TBC1D4: variants seen among roughly 807,000 people sequenced by gnomAD.
TBC1D4 encodes the protein TBC (Tre-2, BUB2, CDC16) domain-containing protein.
In TBC1D4, 121 loss-of-function variants were observed where a neutral mutation model predicts 142.5. The observed-to-expected ratio is 0.85, with a 90% confidence interval of 0.73 to 0.99. TBC1D4 has a LOEUF of 0.99. TBC1D4 is among the 50% of genes least tolerant of loss of function. The pLI is 0.00. For synonymous variants in TBC1D4, 630 were observed against 628.2 expected (o/e 1.00, Z -0.04); for missense variants, 1,475 against 1,606.6 (o/e 0.92, Z 1.40).
intron 1 of TBC1D4, among the ~76,000 whole-genome samples, chr13:75,417,041 C>T (rs1320311542): frequency 2.6e-5 from 4 of 152,182 alleles, no homozygotes; most frequent in African/African-American, 4.8e-5. Flanking sequence ...GCACCTGCTC[C>T]GGATGGTCAC....
intron 19 of TBC1D4, among the ~76,000 whole-genome samples, chr13:75,291,514 A>G (rs908159579): frequency 1.4e-4 from 21 of 152,280 alleles, no homozygotes; most frequent in Admixed American, 1.2e-3. Context: ...CATTTGAATC[A>G]TCGGAGGGAG....
chr13:75,308,214 C>T (rs183792463), intron 14 of TBC1D4, among the ~76,000 whole-genome samples: 1 of 152,140 alleles, frequency 6.6e-6, no homozygotes, highest in Admixed American at 6.5e-5. Context: ...AACAGAGAAC[C>T]GATGAAGGTT....
rs1183868770 is a variant in TBC1D4, at chr13:75,359,858, C to T, written c.1081G>A (p.Val361Ile). The change falls in exon 3 of 21, where the codon GTT (valine) becomes ATT (isoleucine). Residue 361 changes from valine to isoleucine, a missense_variant and splice_region_variant. By Grantham distance (29) the Val-to-Ile change is conservative (BLOSUM62 3). Transcript: ENST00000377636. The stretch of plus-strand genomic sequence containing the variant: ...ATAAGGTTAATCTCAAATCGCCCAA[C>T]CTTAAAAATAAAAGCATTCCAATTA... ...SEKNRTMLFQVGRFEINLISP... is the reference protein window; with the variant it reads ...SEKNRTMLFQIGRFEINLISP... 3 of 1,612,754 alleles carry T rather than the reference C, an allele frequency of 1.9e-6. No individual in the cohort carries two copies. Among genetic ancestry groups the T allele is most frequent in the Non-Finnish European group, 2.5e-6 (3 of 1,179,144 alleles).
intron 15 of TBC1D4, among the ~76,000 whole-genome samples, chr13:75,305,180 C>T (rs969084011): frequency 6.6e-6 from 1 of 152,158 alleles, no homozygotes; most frequent in South Asian, 2.1e-4. Flanking sequence ...TGAGACACAC[C>T]TTTCACCTTC....
At chr13:75,409,511 T>C (rs1464970271) in intron 1 of TBC1D4, among the ~76,000 whole-genome samples, 2 of 152,012 alleles carry the variant, frequency 1.3e-5, no homozygotes, top group East Asian at 3.8e-4. Flanking sequence ...CATTAAAGGT[T>C]CCCCCCCTCT....
At chr13:75,450,180 A>G (rs888607215) in intron 1 of TBC1D4, among the ~76,000 whole-genome samples, 1 of 152,176 alleles carries the variant, frequency 6.6e-6, no homozygotes, top group African/African-American at 2.4e-5. Flanking sequence ...TTAAACCTGT[A>G]TTTATTGAGC....
Position 75,471,334 on chromosome 13 carries a change from A to G in TBC1D4, c.498+9936T>C, listed in dbSNP as rs547223719. 1.4e-4 allele frequency among the ~76,000 whole-genome samples: 22 copies of G among 152,372 alleles called. No individual in the cohort carries two copies. The South Asian group carries it at 4.3e-3, about 30-fold the overall frequency. ...TTTATCAAATGTTATTAACAGAATA[A>G]TGTGACCAGTGGAAAGGTTTAAAAT... On this transcript the variant is annotated intron_variant, in intron 1 of 20. Coordinates refer to ENST00000377636, the MANE Select transcript of TBC1D4 (RefSeq NM_014832.5).
intron 4 of TBC1D4, among the ~76,000 whole-genome samples, chr13:75,349,524 T>G (rs773301941): frequency 1.3e-5 from 2 of 152,258 alleles, no homozygotes; most frequent in Non-Finnish European, 2.9e-5. Flanking sequence ...GTGTGTAATA[T>G]AATACCGCTC....
At chr13:75,336,615 C>T (rs568431501) in intron 8 of TBC1D4, among the ~76,000 whole-genome samples, 10 of 151,228 alleles carry the variant, frequency 6.6e-5, no homozygotes, top group East Asian at 2.0e-4. Context: ...GAGTCTGAGG[C>T]GGGAGATCTC....
chr13:75,416,587 C>G (rs1248965301), intron 1 of TBC1D4, among the ~76,000 whole-genome samples: 1 of 152,146 alleles, frequency 6.6e-6, no homozygotes, highest in East Asian at 1.9e-4. Context: ...AAGCAATACT[C>G]AAAAGGCACA....
chr13:75,325,303 G>A (rs997745526), intron 10 of TBC1D4, among the ~76,000 whole-genome samples: 10 of 151,690 alleles, frequency 6.6e-5, no homozygotes, highest in African/African-American at 1.7e-4. Flanking sequence ...TTTAAATTTC[G>A]AGTCATTCAG....
rs76949549 is a variant in TBC1D4 at position 75,390,670 on chromosome 13, A to G, written c.499-28063T>C. On this transcript the variant is annotated intron_variant, in intron 1 of 20. Transcript: ENST00000377636. ...AATGATGGAAGCTTAAGGATGCTGC[A>G]TGTGACCTTCAAAGAGATTTACAAA... Among the ~76,000 whole-genome samples, 36 of 152,254 alleles carry G rather than the reference A, an allele frequency of 2.4e-4. No homozygotes were observed. In the East Asian group the frequency reaches 6.9e-3, roughly 29 times the overall value.
Position 75,352,518 on chromosome 13 carries a change from G to A in TBC1D4, c.1276-3216C>T, listed in dbSNP as rs565863859. Among the ~76,000 whole-genome samples, 107 of 152,128 alleles carry A rather than the reference G, an allele frequency of 7.0e-4. 1 individual carries two copies. In the South Asian group the frequency reaches 0.022, roughly 31 times the overall value. ...TCAAACTCTTTAAACCTATTTTAGA[G>A]AAAGCACTTTTGAAGAAATAATATT... On this transcript the variant is annotated intron_variant, in intron 4 of 20. Coordinates refer to ENST00000377636, the MANE Select transcript of TBC1D4 (RefSeq NM_014832.5).
intron 5 of TBC1D4, among the ~76,000 whole-genome samples, chr13:75,343,629 G>C (rs1462889593): frequency 6.6e-6 from 1 of 151,910 alleles, no homozygotes; most frequent in Non-Finnish European, 1.5e-5. Context: ...CAATTCTCCT[G>C]CCTCAGCCTT....
Position 75,361,959 on chromosome 13 carries a change from T to C in TBC1D4, c.1080+67A>G, listed in dbSNP as rs1376752923. The C allele has an allele frequency of 9.0e-6, 14 of 1,560,026 alleles. No homozygotes were observed. The African/African-American group carries it at 1.2e-4, about 14-fold the overall frequency. On this transcript the variant is annotated intron_variant, in intron 2 of 20. Transcript: ENST00000377636. ...ATATAGAGGTGGAGCTGGGAGGAACTGGATGCCCAGCTACTTCCATCTGGC... is the reference window on the plus strand; with the variant it reads ...ATATAGAGGTGGAGCTGGGAGGAACCGGATGCCCAGCTACTTCCATCTGGC...
intron 18 of TBC1D4, 88 bp from the exon 19 acceptor site, chr13:75,292,359 C>G: frequency 8.4e-7 from 1 of 1,186,408 alleles, no homozygotes; most frequent in Non-Finnish European, 1.2e-6. Context: ...TTTTTGTTTA[C>G]TTGTTTTATG....
At chr13:75,305,420 A>C (rs1394986181) in intron 15 of TBC1D4, among the ~76,000 whole-genome samples, 1 of 152,240 alleles carries the variant, frequency 6.6e-6, no homozygotes, top group East Asian at 1.9e-4. Context: ...GGTGTGATCT[A>C]CATCTCATAG....
At chr13:75,437,864 T>C (rs1593884970) in intron 1 of TBC1D4, among the ~76,000 whole-genome samples, 1 of 152,318 alleles carries the variant, frequency 6.6e-6, no homozygotes. Flanking sequence ...GCATTAACTC[T>C]TTCTGGTGGC....
intron 1 of TBC1D4, among the ~76,000 whole-genome samples, chr13:75,417,053 C>G (rs1885950117): frequency 1.3e-5 from 2 of 152,162 alleles, no homozygotes; most frequent in African/African-American, 4.8e-5. Flanking sequence ...GATGGTCACT[C>G]ACAATTCCAC....
Sources: gnomAD v4.1 joint callset for allele counts (sites outside exome capture counted in the v4.1 genomes callset) on GRCh38, gnomAD v4.1.1 for gene constraint, MANE v1.5 for transcripts, NCBI Gene and HGNC (gene_info 2026-07-23, HGNC 2026-07-21) for gene names.